The following SEMA5A variants were observed in gnomAD, a reference collection of about 807,000 sequenced individuals.
The protein encoded by SEMA5A is semaphorin 5A, also known as semaphorin-5A.
A neutral mutation model predicts 135.5 loss-of-function variants in SEMA5A; 55 were observed. The observed-to-expected ratio is 0.41, with a 90% CI of 0.33 to 0.51. The LOEUF (loss-of-function observed/expected upper bound fraction) is 0.51. SEMA5A is among the 20% of genes least tolerant of loss of function. The pLI, the probability that SEMA5A is intolerant of heterozygous loss-of-function variation, is 0.37. For missense variants in SEMA5A, 1,290 were observed against 1,419.9 expected (o/e 0.91, Z 1.47); for synonymous variants, 580 against 546.5 (o/e 1.06, Z -0.85).
chr5:9,356,919 CA>C (rs1311307301), intron 3 of SEMA5A, among the ~76,000 whole-genome samples: 4 of 152,194 alleles, frequency 2.6e-5, no homozygotes, highest in Non-Finnish European at 5.9e-5. Flanking sequence ...ATATGAACTC[CA>C]AGCAGCCTCC....
chr5:9,238,516 TTCCAAATCTCACTTA>T (rs1365350323), intron 5 of SEMA5A, among the ~76,000 whole-genome samples: 1 of 152,138 alleles, frequency 6.6e-6, no homozygotes, highest in Non-Finnish European at 1.5e-5. Context: ...TTCTCAGAAT[TTCCAAATCTCACTTA>T]TGCTGATTAA....
At chr5:9,043,999 G>C (rs1736101956) in intron 22 of SEMA5A, among the ~76,000 whole-genome samples, 2 of 152,166 alleles carry the variant, frequency 1.3e-5, no homozygotes, top group South Asian at 2.1e-4. Flanking sequence ...GTTTCTGAGA[G>C]GCCAGGAGGG....
intron 2 of SEMA5A, among the ~76,000 whole-genome samples, chr5:9,421,595 T>C (rs1259522773): frequency 6.6e-6 from 1 of 152,236 alleles, no homozygotes; most frequent in East Asian, 1.9e-4. Flanking sequence ...ATTAGGATTA[T>C]CAAACCACTT....
intron 1 of SEMA5A, among the ~76,000 whole-genome samples, chr5:9,463,469 T>G (rs771336737): frequency 2.0e-5 from 3 of 152,150 alleles, no homozygotes; most frequent in Non-Finnish European, 4.4e-5. Flanking sequence ...TTTTCTAAAC[T>G]GTCAGTGGCA....
chr5:9,332,562 T>A (rs1753198486), intron 4 of SEMA5A, among the ~76,000 whole-genome samples: 1 of 151,546 alleles, frequency 6.6e-6, no homozygotes, highest in South Asian at 2.1e-4. Context: ...CATGCAGCTA[T>A]GGGCTGCTAC....
intron 3 of SEMA5A, among the ~76,000 whole-genome samples, chr5:9,375,842 T>C (rs1479157629): frequency 6.6e-6 from 1 of 151,872 alleles, no homozygotes; most frequent in Non-Finnish European, 1.5e-5. Context: ...TTCTTGGTTC[T>C]CAGAAAGGCT....
chr5:9,291,878 G>A (rs1226248644), intron 5 of SEMA5A, among the ~76,000 whole-genome samples: 1 of 151,756 alleles, frequency 6.6e-6, no homozygotes, highest in South Asian at 2.1e-4. Context: ...TGCTGATTAG[G>A]TAGCAATTAA....
Position 9,042,844 on chromosome 5 carries a change from G to T in SEMA5A, c.*53C>A, listed in dbSNP as rs1736034717. The T allele has an allele frequency of 1.2e-6, 2 of 1,606,166 alleles. No individual in the cohort carries two copies. The highest frequency in any genetic ancestry group is 1.3e-5 in the African/African-American group (1 of 74,716). ...CCTCAGAAACATGGGCAGTCATGGG[G>T]CACAGGCCTTGAGGAACTGGGGATT... On this transcript the variant is annotated 3_prime_UTR_variant, in exon 23 of 23. Transcript: ENST00000382496.
intron 8 of SEMA5A, among the ~76,000 whole-genome samples, chr5:9,222,051 G>A (rs1747032520): frequency 6.6e-6 from 1 of 152,196 alleles, no homozygotes; most frequent in African/African-American, 2.4e-5. Flanking sequence ...GCCAAGGGGT[G>A]GCCCCCCCTG....
chr5:9,523,326 A>C (rs951765472), intron 1 of SEMA5A: 1 of 152,172 alleles, frequency 6.6e-6, no homozygotes, highest in Non-Finnish European at 1.5e-5. Context: ...CTCTCTTTGA[A>C]GGGTGTGGTT....
intron 13 of SEMA5A, among the ~76,000 whole-genome samples, chr5:9,126,748 A>C (rs1741136233): frequency 6.6e-6 from 1 of 152,204 alleles, no homozygotes; most frequent in South Asian, 2.1e-4. Flanking sequence ...CAGCTGAGTC[A>C]GTTCCTGAGA....
chr5:9,271,921 C>T (rs930969161), intron 5 of SEMA5A, among the ~76,000 whole-genome samples: 6 of 152,290 alleles, frequency 3.9e-5, no homozygotes, highest in South Asian at 2.1e-4. Flanking sequence ...GGGGTTCCAG[C>T]ACAAAACTGG....
intron 1 of SEMA5A, among the ~76,000 whole-genome samples, chr5:9,524,557 C>T (rs1173062779): frequency 6.6e-6 from 1 of 152,210 alleles, no homozygotes; most frequent in African/African-American, 2.4e-5. Flanking sequence ...TTGAACCAAT[C>T]TGCTAACAAC....
chr5:9,358,473 C>A (rs567872982), intron 3 of SEMA5A, among the ~76,000 whole-genome samples: 1 of 152,290 alleles, frequency 6.6e-6, no homozygotes, highest in East Asian at 1.9e-4. Flanking sequence ...AAGGGTCTTC[C>A]CTGTGCACAC....
intron 13 of SEMA5A, among the ~76,000 whole-genome samples, chr5:9,125,660 CA>C (rs1741068275): frequency 6.6e-6 from 1 of 151,824 alleles, no homozygotes; most frequent in East Asian, 1.9e-4. Flanking sequence ...AAAATATCCC[CA>C]TTTCCAAGGT....
At chr5:9,523,001 A>T (rs368204135) in intron 1 of SEMA5A, 2 of 152,214 alleles carry the variant, frequency 1.3e-5, no homozygotes, top group African/African-American at 2.4e-5. Context: ...TTTTAACAAG[A>T]TAAAGCAAGT....
At chr5:9,522,473 C>T (rs1736890340) in intron 1 of SEMA5A, among the ~76,000 whole-genome samples, 1 of 152,140 alleles carries the variant, frequency 6.6e-6, no homozygotes, top group African/African-American at 2.4e-5. Flanking sequence ...ATCTCAGCTA[C>T]TCAGGAGGCT....
intron 16 of SEMA5A, among the ~76,000 whole-genome samples, chr5:9,081,838 G>A (rs1380747507): frequency 6.6e-6 from 1 of 152,150 alleles, no homozygotes; most frequent in Non-Finnish European, 1.5e-5. Context: ...AGGGAAATGT[G>A]TTGAGTAAGT....
chr5:9,195,630 T>C (rs1745347271), intron 10 of SEMA5A, among the ~76,000 whole-genome samples: 2 of 152,240 alleles, frequency 1.3e-5, no homozygotes, highest in South Asian at 2.1e-4. Flanking sequence ...AGATGTGTGA[T>C]AAAAATGCAC....
Sources: allele counts gnomAD v4.1 joint callset (sites outside exome capture counted in the v4.1 genomes callset), GRCh38; gene constraint gnomAD v4.1.1; transcripts MANE v1.5; gene names NCBI Gene and HGNC (gene_info 2026-07-23, HGNC 2026-07-21).